Variants in SAMM50 observed in about 807,000 individuals in gnomAD.
SAMM50 encodes the protein sorting and assembly machinery component 50 homolog.
In SAMM50, 47 loss-of-function variants were observed where a neutral mutation model predicts 66.9. The ratio of observed to expected loss-of-function variants is 0.70; its 90% CI spans 0.56 to 0.90. The LOEUF is 0.90. Ranked by LOEUF, SAMM50 falls within the 40% of genes least tolerant of loss-of-function variation. The probability of loss-of-function intolerance (pLI) is 0.00; values close to 1 mark genes in which losing one functional copy is unlikely to be tolerated. For missense variants in SAMM50, 535 were observed against 595.3 expected (o/e 0.90, Z 1.05); for synonymous variants, 191 against 214.1 (o/e 0.89, Z 0.94).
chr22:43,993,372 G>A (rs2050336102), intron 14 of SAMM50, among the ~76,000 whole-genome samples: 1 of 152,238 alleles, frequency 6.6e-6, no homozygotes, highest in African/African-American at 2.4e-5. Flanking sequence ...AGAAGTCAAC[G>A]CGGCTTTTAG....
chr22:43,984,786 G>A (rs981295530), intron 12 of SAMM50, among the ~76,000 whole-genome samples: 12 of 151,368 alleles, frequency 7.9e-5, no homozygotes, highest in African/African-American at 2.7e-4. Context: ...ACACCACCAC[G>A]CCTGGCTAAC....
intron 4 of SAMM50, among the ~76,000 whole-genome samples, chr22:43,971,592 CCT>C (rs1451471073): frequency 6.6e-6 from 1 of 152,230 alleles, no homozygotes; most frequent in Non-Finnish European, 1.5e-5. Context: ...TTTTCAAGGA[CCT>C]CTCTAATAGG....
intron 10 of SAMM50, among the ~76,000 whole-genome samples, chr22:43,979,364 C>T (rs6519823): frequency 0.59 from 89,727 of 151,688 alleles, 27,490 homozygotes; most frequent in East Asian, 0.83. Flanking sequence ...CATTGCCTTC[C>T]CCACAAATCT....
chr22:43,990,317 G>T lies in SAMM50; in HGVS notation c.1275G>T (p.Ser425=), dbSNP rs142536449. 3.1e-6 allele frequency: 5 copies of T among 1,614,172 alleles called. No homozygotes were observed. The South Asian group carries it at 3.3e-5, about 11-fold the overall frequency. The part of the protein sequence containing the change: ...IRKLAECIRW[S]YGAGIVLRLG... Reference sequence around the variant, plus strand: ...AGCTGGCTGAGTGCATCCGCTGGTCGTACGGGGCCGGGATTGTCCTCAGGC... The same window carrying T: ...AGCTGGCTGAGTGCATCCGCTGGTCTTACGGGGCCGGGATTGTCCTCAGGC... The change falls in exon 14 of 15, where the codon TCG becomes TCT. Residue 425 remains serine (S), a synonymous_variant. Coordinates refer to ENST00000350028, the MANE Select transcript of SAMM50 (RefSeq NM_015380.5).
intron 11 of SAMM50, among the ~76,000 whole-genome samples, chr22:43,982,322 A>G (rs902942296): frequency 6.6e-6 from 1 of 152,262 alleles, no homozygotes; most frequent in Admixed American, 6.5e-5. Context: ...AAAGAATTTG[A>G]AACTGCCTTA....
chr22:43,968,841 T>C, intron 4 of SAMM50, 23 bp downstream of exon 4: 1 of 1,519,512 alleles, frequency 6.6e-7, no homozygotes, highest in Non-Finnish European at 9.1e-7. Context: ...GTGTAGTATC[T>C]TTATAATTCC....
In SAMM50 at chr22:43,985,799, G is replaced by A. The variant is rs2146824874; in HGVS notation, c.1075+1799G>A. Among the ~76,000 whole-genome samples the A allele has an allele frequency of 2.0e-5, 3 of 152,038 alleles. No individual in the cohort carries two copies. In the East Asian group the frequency reaches 5.8e-4, roughly 29 times the overall value. ...TAAGGAGCTGCCAGGCGAGCTTCCG[G>A]GGTGGCCGCGTCCTTTTGCATTTCC... On this transcript the variant is annotated intron_variant, in intron 12 of 14. Coordinates refer to ENST00000350028, the MANE Select transcript of SAMM50 (RefSeq NM_015380.5).
At position 43,996,338 on chromosome 22, in the gene SAMM50, G is replaced by A; in HGVS notation, c.1365G>A (p.Arg455=). Residue 455 remains arginine, a splice_region_variant and synonymous_variant, in exon 15 of 15, where the codon AGG becomes AGA. Transcript: ENST00000350028. ...CVPMGVQTGD[R]ICDGVQFGAG... is the part of the protein sequence containing the mutation. ...CATCTGATCTCTCCCCTTTTTTTAG[G>A]ATATGTGATGGCGTCCAGTTTGGAG... is the stretch of plus-strand genomic sequence containing the variant. The A allele has an allele frequency of 6.2e-7, 1 of 1,614,090 alleles. No homozygotes were observed. The highest frequency in any genetic ancestry group is 8.5e-7 in the Non-Finnish European group (1 of 1,179,984).
chr22:43,972,970 T>C lies in SAMM50; in HGVS notation c.529T>C (p.Phe177Leu), dbSNP rs2050211586. Residue 177 changes from phenylalanine (F) to leucine (L), a missense_variant, in exon 6 of 15, where the codon TTC (phenylalanine) becomes CTC (leucine). By Grantham distance (22) the Phe-to-Leu change is conservative (BLOSUM62 0). Coordinates refer to ENST00000350028, the MANE Select transcript of SAMM50 (RefSeq NM_015380.5). ...TKETSYGLSF[F>L]KPRPGNFERN... ...AGAAACTTCGTATGGCCTGTCCTTC[T>C]TCAAACCACGGCCCGGAAACTTCGA... The C allele has an allele frequency of 6.3e-7, 1 of 1,597,712 alleles. No homozygotes were observed. The highest frequency in any genetic ancestry group is 2.2e-5 in the East Asian group (1 of 44,838).
intron 12 of SAMM50, 80 bp downstream of exon 12, chr22:43,984,080 C>T: frequency 8.2e-7 from 1 of 1,215,154 alleles, no homozygotes; most frequent in South Asian, 1.4e-5. Context: ...TATTAGCTTA[C>T]AGCGATAATA....
At chr22:43,988,432 C>A (rs1246188793) in intron 12 of SAMM50, 1 of 152,102 alleles carries the variant, frequency 6.6e-6, no homozygotes, top group Non-Finnish European at 1.5e-5. Flanking sequence ...AAAGTATAAA[C>A]CTTTGGGTTG....
chr22:43,977,844 C>G (rs1260158836), intron 9 of SAMM50, 28 bp from the exon 10 acceptor site: 12 of 1,540,038 alleles, frequency 7.8e-6, no homozygotes, highest in Non-Finnish European at 1.1e-5. Context: ...TGTTTGCTCC[C>G]TTTGACCTGA....
chr22:43,979,006 C>T (rs1033635546), intron 10 of SAMM50, among the ~76,000 whole-genome samples: 4 of 152,194 alleles, frequency 2.6e-5, no homozygotes, highest in East Asian at 3.9e-4. Context: ...CCTTGTTGTC[C>T]GGCACGTGAG....
chr22:43,973,747 T>A (rs1478307975), intron 7 of SAMM50, among the ~76,000 whole-genome samples: 1 of 152,180 alleles, frequency 6.6e-6, no homozygotes, highest in African/African-American at 2.4e-5. Context: ...GTGATTCTCC[T>A]GCCTCAGCCT....
At chr22:43,987,944 C>G (rs1164215903) in intron 12 of SAMM50, 1 of 151,738 alleles carries the variant, frequency 6.6e-6, no homozygotes, top group East Asian at 1.9e-4. Context: ...AGCAAGCAAG[C>G]ACCACATTTT....
At chr22:43,965,216 AT>A (rs1333074127) in intron 3 of SAMM50, among the ~76,000 whole-genome samples, 2 of 150,526 alleles carry the variant, frequency 1.3e-5, no homozygotes, top group South Asian at 2.1e-4. Flanking sequence ...TCTTTTTTCA[AT>A]TTTTTTTAGA....
chr22:43,981,274 C>T (rs1004528061), intron 10 of SAMM50, 117 bp from the exon 11 acceptor site: 2 of 784,852 alleles, frequency 2.5e-6, no homozygotes, highest in Non-Finnish European at 4.5e-6. Context: ...CCCTTGCACC[C>T]CATCGCGGAG....
Position 43,977,869 on chromosome 22 carries a change from C to T in SAMM50, c.850-3C>T. The T allele has an allele frequency of 6.2e-7, 1 of 1,612,426 alleles. No individual in the cohort carries two copies. Among genetic ancestry groups the T allele is most frequent in the African/African-American group, 1.3e-5 (1 of 75,030 alleles). On this transcript the variant is annotated splice_region_variant and splice_polypyrimidine_tract_variant and intron_variant, in intron 9 of 14. Transcript: ENST00000350028. ...CTTTGACCTGAGTGCTCCTTCCCTG[C>T]AGGAACTGGCAGGCTACACTGGCGG...
intron 1 of SAMM50, among the ~76,000 whole-genome samples, chr22:43,962,386 C>G (rs150522819): frequency 2.2e-3 from 336 of 152,194 alleles, no homozygotes; most frequent in African/African-American, 7.7e-3. Context: ...TCTGTCTTAA[C>G]TATATGTAGA....
Sources: allele counts gnomAD v4.1 joint callset (sites outside exome capture counted in the v4.1 genomes callset), GRCh38; gene constraint gnomAD v4.1.1; transcripts MANE v1.5; gene names NCBI Gene and HGNC (gene_info 2026-07-23, HGNC 2026-07-21).